Variants in ALK observed in about 807,000 individuals in gnomAD.
ALK encodes the protein ALK tyrosine kinase receptor.
ALK carries 74 observed loss-of-function variants against 163.1 expected under a neutral mutation model. That is an observed-to-expected ratio of 0.45 (90% CI 0.38 to 0.55). The LOEUF (loss-of-function observed/expected upper bound fraction) is 0.55, where lower values mean the gene tolerates loss of function less well. Ranked by LOEUF, ALK falls within the 20% of genes least tolerant of loss-of-function variation. The pLI is 0.00. For missense variants in ALK, 2,063 were observed against 2,105.3 expected, an observed-to-expected ratio of 0.98 and a Z score of 0.39; for synonymous variants, 960 against 843.2, an observed-to-expected ratio of 1.14 and a Z score of -2.40.
intron 3 of ALK, among the ~76,000 whole-genome samples, chr2:29,601,691 G>T (rs192827946): frequency 9.1e-4 from 139 of 152,180 alleles, no homozygotes; most frequent in African/African-American, 3.2e-3. Context: ...ACAAAAGCAG[G>T]CAGGAAAGTC....
chr2:29,733,763 C>T (rs891108915), intron 1 of ALK, among the ~76,000 whole-genome samples: 1 of 152,122 alleles, frequency 6.6e-6, no homozygotes, highest in African/African-American at 2.4e-5. Context: ...GGGAAACATA[C>T]ACTTTGTAGA....
intron 9 of ALK, among the ~76,000 whole-genome samples, chr2:29,279,893 G>T (rs546656377): frequency 6.8e-4 from 104 of 152,358 alleles, no homozygotes; most frequent in South Asian, 2.1e-3. Flanking sequence ...GTTCTGGCAT[G>T]TACCAGGTGG....
chr2:29,449,122 A>AT (rs1403540605), intron 4 of ALK, among the ~76,000 whole-genome samples: 2 of 152,186 alleles, frequency 1.3e-5, no homozygotes, highest in Admixed American at 1.3e-4. Flanking sequence ...GCCATATCAT[A>AT]TGATTTATTT....
chr2:29,678,998 C>T (rs918000910), intron 3 of ALK, among the ~76,000 whole-genome samples: 1 of 151,828 alleles, frequency 6.6e-6, no homozygotes, highest in Non-Finnish European at 1.5e-5. Flanking sequence ...GTTGAATTGT[C>T]TTGTTTCCCC....
At chr2:29,435,083 C>A (rs952648669) in intron 4 of ALK, among the ~76,000 whole-genome samples, 1 of 152,106 alleles carries the variant, frequency 6.6e-6, no homozygotes, top group Admixed American at 6.5e-5. Context: ...GCCCTTGGGA[C>A]CTCTCAGTTT....
At chr2:29,337,019 T>A (rs2148266929) in intron 5 of ALK, among the ~76,000 whole-genome samples, 1 of 152,176 alleles carries the variant, frequency 6.6e-6, no homozygotes, top group South Asian at 2.1e-4. Flanking sequence ...TGGGCCATGA[T>A]CTGGACTAGG....
intron 1 of ALK, among the ~76,000 whole-genome samples, chr2:29,743,345 C>T (rs1197901984): frequency 6.6e-6 from 1 of 152,212 alleles, no homozygotes; most frequent in African/African-American, 2.4e-5. Context: ...CCTTTTCAGA[C>T]TGGCCTTTGC....
At chr2:29,543,838 T>C (rs1281597935) in intron 3 of ALK, among the ~76,000 whole-genome samples, 1 of 152,246 alleles carries the variant, frequency 6.6e-6, no homozygotes, top group Non-Finnish European at 1.5e-5. Flanking sequence ...CTATTCAGAA[T>C]TTGTTCCTCC....
At chr2:29,763,300 C>T (rs967377946) in intron 1 of ALK, among the ~76,000 whole-genome samples, 1 of 151,902 alleles carries the variant, frequency 6.6e-6, no homozygotes, top group East Asian at 1.9e-4. Flanking sequence ...GAATGAGGCC[C>T]GTAGGTAGAC....
intron 9 of ALK, among the ~76,000 whole-genome samples, chr2:29,278,550 C>T (rs763585641): frequency 8.5e-5 from 13 of 152,286 alleles, no homozygotes; most frequent in South Asian, 2.1e-4. Flanking sequence ...GTGGGGTCTC[C>T]CCATGGGAAA....
chr2:29,750,151 T>C (rs1196211080), intron 1 of ALK, among the ~76,000 whole-genome samples: 1 of 152,226 alleles, frequency 6.6e-6, no homozygotes, highest in East Asian at 1.9e-4. Context: ...TGGGGATTTG[T>C]TCTAAGAAAT....
chr2:29,591,180 A>T (rs1675048131), intron 3 of ALK, among the ~76,000 whole-genome samples: 1 of 150,674 alleles, frequency 6.6e-6, no homozygotes, highest in African/African-American at 2.4e-5. Flanking sequence ...TCATGGAATA[A>T]TTTTTTTTTC....
At chr2:29,323,923 C>T (rs1667157403) in intron 6 of ALK, among the ~76,000 whole-genome samples, 1 of 152,182 alleles carries the variant, frequency 6.6e-6, no homozygotes, top group Admixed American at 6.5e-5. Flanking sequence ...AACTCTTTAC[C>T]ACTCAAAATG....
chr2:29,263,619 A>T (rs552365458), intron 11 of ALK, among the ~76,000 whole-genome samples: 2 of 152,166 alleles, frequency 1.3e-5, no homozygotes, highest in Non-Finnish European at 2.9e-5. Context: ...TAGACCAAGA[A>T]GAGAAGGCAA....
At chr2:29,764,050 A>T (rs1340496893) in intron 1 of ALK, among the ~76,000 whole-genome samples, 1 of 151,912 alleles carries the variant, frequency 6.6e-6, no homozygotes, top group Non-Finnish European at 1.5e-5. Flanking sequence ...ACATCCTGTG[A>T]CCTCCTGTGG....
chr2:29,669,668 T>C (rs1677623173), intron 3 of ALK, among the ~76,000 whole-genome samples: 1 of 152,082 alleles, frequency 6.6e-6, no homozygotes, highest in African/African-American at 2.4e-5. Context: ...TTTAAGATCC[T>C]CCCTTTCTTA....
At chr2:29,571,444 A>G (rs1265071366) in intron 3 of ALK, among the ~76,000 whole-genome samples, 6 of 152,098 alleles carry the variant, frequency 3.9e-5, no homozygotes, top group African/African-American at 1.4e-4. Context: ...TGATGGTTTT[A>G]TAAGAATCTG....
chr2:29,913,072 T>C (rs539041018), intron 1 of ALK, among the ~76,000 whole-genome samples: 1 of 152,166 alleles, frequency 6.6e-6, no homozygotes, highest in East Asian at 1.9e-4. Context: ...ATTCTTACTC[T>C]AAGGATTTCT....
At chr2:29,870,124 A>G (rs1305633617) in intron 1 of ALK, among the ~76,000 whole-genome samples, 1 of 152,220 alleles carries the variant, frequency 6.6e-6, no homozygotes, top group Non-Finnish European at 1.5e-5. Context: ...CATAATGAAT[A>G]AAACAAAAGA....
Sources: gnomAD v4.1 joint callset for allele counts (sites outside exome capture counted in the v4.1 genomes callset) on GRCh38, gnomAD v4.1.1 for gene constraint, MANE v1.5 for transcripts, NCBI Gene and HGNC (gene_info 2026-07-23, HGNC 2026-07-21) for gene names.